XNDC1N: variants seen among roughly 807,000 people sequenced by gnomAD.
The protein encoded by XNDC1N is XRCC1 N-terminal domain containing 1, N-terminal like.
the XNDC1N span, among the ~76,000 whole-genome samples, chr11:71,873,117 G>A: frequency 6.6e-6 from 1 of 151,798 alleles, no homozygotes; most frequent in African/African-American, 2.4e-5. Context: ...TTATTTATGT[G>A]TGATATTATT....
the XNDC1N span, among the ~76,000 whole-genome samples, chr11:71,914,169 A>G: frequency 1.1e-4 from 17 of 152,202 alleles, no homozygotes; most frequent in African/African-American, 4.1e-4. Flanking sequence ...CTGTAAGGCT[A>G]TATTTGCCAT....
chr11:71,883,421 C>T, the XNDC1N span, among the ~76,000 whole-genome samples: 4 of 152,032 alleles, frequency 2.6e-5, no homozygotes, highest in Non-Finnish European at 5.9e-5. Flanking sequence ...GAATAGAGGG[C>T]CAAGAAATCA....
At chr11:71,907,946 G>A in the XNDC1N span, among the ~76,000 whole-genome samples, 65 of 152,262 alleles carry the variant, frequency 4.3e-4, 2 homozygotes, top group East Asian at 0.011. Flanking sequence ...AAAATCACGG[G>A]TGGATGCACA....
chr11:71,884,718 A>G, the XNDC1N span: 11 of 1,087,832 alleles, frequency 1.0e-5, no homozygotes, highest in East Asian at 2.9e-4. Flanking sequence ...CTTACACTCT[A>G]TTTTCATTTG....
At chr11:71,919,358 G>A in the XNDC1N span, among the ~76,000 whole-genome samples, 2 of 150,882 alleles carry the variant, frequency 1.3e-5, no homozygotes, top group Non-Finnish European at 2.9e-5. Context: ...ACCAAGCAAA[G>A]CAGAATTTCC....
chr11:71,919,006 C>T, the XNDC1N span: 13 of 701,980 alleles, frequency 1.9e-5, no homozygotes, highest in East Asian at 3.0e-4. Context: ...TTAGCAAGTT[C>T]TCTACAGGAT....
chr11:71,922,099 G>A, the XNDC1N span, among the ~76,000 whole-genome samples: 1 of 152,144 alleles, frequency 6.6e-6, no homozygotes, highest in African/African-American at 2.4e-5. Flanking sequence ...GGCAGAGGTT[G>A]TGGTGAGCCG....
At chr11:71,868,175 G>C in the XNDC1N span, among the ~76,000 whole-genome samples, 5 of 152,184 alleles carry the variant, frequency 3.3e-5, no homozygotes, top group Admixed American at 2.6e-4. Context: ...GCCTATGAGT[G>C]ATGGGCTTAC....
the XNDC1N span, chr11:71,917,481 G>A: frequency 3.0e-6 from 2 of 670,092 alleles, no homozygotes; most frequent in South Asian, 3.3e-5. Context: ...ACCACCCTTT[G>A]CCCCCAACAG....
At chr11:71,880,844 T>C in the XNDC1N span, among the ~76,000 whole-genome samples, 2 of 152,242 alleles carry the variant, frequency 1.3e-5, no homozygotes, top group East Asian at 3.8e-4. Context: ...TAGTATTCAT[T>C]TCTAGTTCTA....
At chr11:71,910,626 TAGA>T in the XNDC1N span, among the ~76,000 whole-genome samples, 37 of 152,132 alleles carry the variant, frequency 2.4e-4, no homozygotes, top group Admixed American at 2.0e-3. Context: ...GGACTGTGGG[TAGA>T]AGGTGTCCAA....
the XNDC1N span, among the ~76,000 whole-genome samples, chr11:71,923,074 C>T: frequency 6.6e-6 from 1 of 152,118 alleles, no homozygotes; most frequent in Non-Finnish European, 1.5e-5. Flanking sequence ...TCAAACTGGG[C>T]GGAATCCTGA....
chr11:71,909,414 T>C, the XNDC1N span, among the ~76,000 whole-genome samples: 862 of 151,950 alleles, frequency 5.7e-3, 8 homozygotes, highest in Non-Finnish European at 8.6e-3. Context: ...GTGCTGATTG[T>C]AAAGAAATAG....
chr11:71,880,672 T>C, the XNDC1N span, among the ~76,000 whole-genome samples: 1 of 152,220 alleles, frequency 6.6e-6, no homozygotes. Context: ...CTCTTAGCAC[T>C]GTCTTTGTTG....
chr11:71,877,187 C>G, the XNDC1N span, among the ~76,000 whole-genome samples: 1 of 152,216 alleles, frequency 6.6e-6, no homozygotes, highest in African/African-American at 2.4e-5. Context: ...CACTAACACT[C>G]TGAAGTATTA....
the XNDC1N span, among the ~76,000 whole-genome samples, chr11:71,913,572 T>C: frequency 1.3e-5 from 2 of 150,332 alleles, no homozygotes; most frequent in African/African-American, 2.5e-5. Context: ...GGCAGGAGAA[T>C]TGCTTGAACC....
the XNDC1N span, among the ~76,000 whole-genome samples, chr11:71,902,416 C>T: frequency 6.6e-6 from 1 of 152,204 alleles, no homozygotes; most frequent in Non-Finnish European, 1.5e-5. Context: ...TGGTCTTGAT[C>T]TCCTGACCCA....
At chr11:71,896,674 C>T in the XNDC1N span, among the ~76,000 whole-genome samples, 1 of 152,246 alleles carries the variant, frequency 6.6e-6, no homozygotes, top group African/African-American at 2.4e-5. Context: ...AGCGATTCTC[C>T]TGCCTCCACC....
chr11:71,925,158 A>G, the XNDC1N span, among the ~76,000 whole-genome samples: 1 of 151,904 alleles, frequency 6.6e-6, no homozygotes, highest in Non-Finnish European at 1.5e-5. Context: ...CAACCTGTCA[A>G]TTCTCACTTA....
Sources: gnomAD v4.1 joint callset for allele counts (sites outside exome capture counted in the v4.1 genomes callset) on GRCh38, gnomAD v4.1.1 for gene constraint, MANE v1.5 for transcripts, NCBI Gene and HGNC (gene_info 2026-07-23, HGNC 2026-07-21) for gene names.